The following PDE3A variants were observed in gnomAD, a reference collection of about 807,000 sequenced individuals.
PDE3A encodes the protein cGMP-inhibited 3',5'-cyclic phosphodiesterase 3A.
In PDE3A, 43 loss-of-function variants were observed where a neutral mutation model predicts 98.3. The ratio of observed to expected loss-of-function variants is 0.44; its 90% CI spans 0.34 to 0.56. PDE3A has a LOEUF of 0.56. Ranked by LOEUF, PDE3A falls within the 20% of genes least tolerant of loss-of-function variation. PDE3A has a pLI of 0.01. For synonymous variants in PDE3A, 663 were observed against 567.9 expected, an observed-to-expected ratio of 1.17 and a Z score of -2.38; for missense variants, 1,427 against 1,440.7, an observed-to-expected ratio of 0.99 and a Z score of 0.15.
intron 15 of PDE3A, among the ~76,000 whole-genome samples, chr12:20,675,875 G>T (rs1945624327): frequency 6.6e-6 from 1 of 152,024 alleles, no homozygotes; most frequent in South Asian, 2.1e-4. Flanking sequence ...CTGTATCTGT[G>T]TACAGGTGAG....
intron 2 of PDE3A, among the ~76,000 whole-genome samples, chr12:20,561,740 A>C (rs972990439): frequency 6.6e-6 from 1 of 152,162 alleles, no homozygotes; most frequent in Non-Finnish European, 1.5e-5. Context: ...GTATTTCAAA[A>C]TTGTATCATA....
At chr12:20,643,634 T>A (rs1592141148) in intron 10 of PDE3A, among the ~76,000 whole-genome samples, 1 of 146,350 alleles carries the variant, frequency 6.8e-6, no homozygotes, top group East Asian at 2.0e-4. Context: ...ATTTTTTTTT[T>A]ATTTAGTACT....
chr12:20,588,028 T>C (rs1042487378), intron 2 of PDE3A, among the ~76,000 whole-genome samples: 4 of 152,214 alleles, frequency 2.6e-5, no homozygotes, highest in African/African-American at 9.7e-5. Context: ...AAATCTTTTT[T>C]AAAGGCTACT....
At position 20,659,992 on chromosome 12, in the gene PDE3A, T is replaced by C. The variant is rs1471955825; in HGVS notation, c.3184+5787T>C. On this transcript the variant is annotated intron_variant, in intron 15 of 15. Transcript: ENST00000359062. ...CATATACCAGGTGATATGGTTTGGCTGTGTTCCCACCCAACCCTCATCTTG... is the reference window on the plus strand; with the variant it reads ...CATATACCAGGTGATATGGTTTGGCCGTGTTCCCACCCAACCCTCATCTTG... Among the ~76,000 whole-genome samples the C allele has an allele frequency of 2.0e-5, 3 of 152,186 alleles. No homozygotes were observed. In the East Asian group the frequency reaches 5.8e-4, roughly 29 times the overall value.
intron 1 of PDE3A, among the ~76,000 whole-genome samples, chr12:20,506,083 G>A (rs1422999513): frequency 7.1e-6 from 1 of 141,036 alleles, no homozygotes; most frequent in African/African-American, 2.7e-5. Flanking sequence ...AAGGAGCTAT[G>A]GGAACTCTAA....
At chr12:20,489,902 G>A (rs1208794092) in intron 1 of PDE3A, among the ~76,000 whole-genome samples, 1 of 152,126 alleles carries the variant, frequency 6.6e-6, no homozygotes, top group Non-Finnish European at 1.5e-5. Context: ...CGTCATAGAG[G>A]CAGAAGGATT....
At chr12:20,445,424 A>G (rs1173462467) in intron 1 of PDE3A, among the ~76,000 whole-genome samples, 6 of 152,134 alleles carry the variant, frequency 3.9e-5, no homozygotes, top group Admixed American at 3.9e-4. Context: ...GCTTTTCCAA[A>G]TACTTTCTTA....
chr12:20,559,666 A>C (rs1415587330), intron 2 of PDE3A, among the ~76,000 whole-genome samples: 1 of 145,594 alleles, frequency 6.9e-6, no homozygotes, highest in East Asian at 2.0e-4. Context: ...ACGAGACCCC[A>C]TATCAAAAAA....
chr12:20,568,753 G>C (rs1462125461), intron 2 of PDE3A, among the ~76,000 whole-genome samples: 1 of 151,842 alleles, frequency 6.6e-6, no homozygotes, highest in East Asian at 1.9e-4. Flanking sequence ...TTTTCATAAT[G>C]TATACATTAT....
In PDE3A at chr12:20,630,105, A is replaced by C; in HGVS notation, c.1738A>C (p.Thr580Pro). 6.2e-7 allele frequency: 1 copy of C among 1,611,274 alleles called. No individual in the cohort carries two copies. Among genetic ancestry groups the C allele is most frequent in the Non-Finnish European group, 8.5e-7 (1 of 1,177,722 alleles). The change falls in exon 6 of 16, where the codon ACT becomes CCT. Residue 580 changes from threonine (T) to proline (P), a missense_variant. This residue lies in a region of PDE3A where 1,012 missense variants were observed against 886.5 expected (regional missense o/e 1.14). Coordinates refer to ENST00000359062, the MANE Select transcript of PDE3A (RefSeq NM_000921.5). ...CCCAGACCTATCCCCTCAAATCCTGACTCCACCTGTTATATGTAGCAGGTA... is the reference window on the plus strand; with the variant it reads ...CCCAGACCTATCCCCTCAAATCCTGCCTCCACCTGTTATATGTAGCAGGTA... ...SAPDLSPQILTPPVICSSCGR... is the reference protein window; with the variant it reads ...SAPDLSPQILPPPVICSSCGR...
chr12:20,586,726 C>T (rs1943205611), intron 2 of PDE3A, among the ~76,000 whole-genome samples: 2 of 152,000 alleles, frequency 1.3e-5, no homozygotes, highest in South Asian at 4.2e-4. Context: ...AGTGAAAAAG[C>T]AAAACTTAGG....
At chr12:20,398,100 T>G (rs1426820761) in intron 1 of PDE3A, among the ~76,000 whole-genome samples, 1 of 150,052 alleles carries the variant, frequency 6.7e-6, no homozygotes, top group Non-Finnish European at 1.5e-5. Flanking sequence ...CAGTCTAACG[T>G]TTTCTGGCTG....
intron 5 of PDE3A, among the ~76,000 whole-genome samples, chr12:20,623,837 A>AAAG (rs543433657): frequency 6.6e-6 from 1 of 151,494 alleles, no homozygotes; most frequent in African/African-American, 2.4e-5. Context: ...TGTATTCTAG[A>AAAG]AAGAAGAAGA....
At chr12:20,386,965 G>C (rs1210707983) in intron 1 of PDE3A, among the ~76,000 whole-genome samples, 1 of 131,584 alleles carries the variant, frequency 7.6e-6, no homozygotes, top group African/African-American at 2.5e-5. Context: ...TATAAGAAAG[G>C]GGTCCAGTTT....
chr12:20,577,316 G>T (rs1306440798), intron 2 of PDE3A, among the ~76,000 whole-genome samples: 1 of 152,132 alleles, frequency 6.6e-6, no homozygotes, highest in East Asian at 1.9e-4. Context: ...TGATGAAATG[G>T]TGGGTTAGGT....
intron 1 of PDE3A, among the ~76,000 whole-genome samples, chr12:20,541,018 A>G (rs1359382124): frequency 6.6e-6 from 1 of 151,106 alleles, no homozygotes; most frequent in East Asian, 1.9e-4. Flanking sequence ...TCAAAAAACC[A>G]AGTATCCTAT....
At chr12:20,663,592 T>C (rs1321451983) in intron 15 of PDE3A, among the ~76,000 whole-genome samples, 1 of 152,200 alleles carries the variant, frequency 6.6e-6, no homozygotes, top group Non-Finnish European at 1.5e-5. Context: ...AACTGCCCTT[T>C]TGAATTTTAG....
intron 2 of PDE3A, among the ~76,000 whole-genome samples, chr12:20,574,521 G>A (rs991354307): frequency 1.3e-5 from 2 of 152,000 alleles, no homozygotes; most frequent in African/African-American, 4.8e-5. Context: ...CAATACGTTG[G>A]AAGACATTAA....
At chr12:20,580,239 G>A (rs1456895558) in intron 2 of PDE3A, among the ~76,000 whole-genome samples, 1 of 152,078 alleles carries the variant, frequency 6.6e-6, no homozygotes, top group African/African-American at 2.4e-5. Flanking sequence ...ATTGTGAGGA[G>A]GGAAGAAAGA....
Sources: gnomAD v4.1 joint callset for allele counts (sites outside exome capture counted in the v4.1 genomes callset) on GRCh38, gnomAD v4.1.1 for gene constraint, gnomAD v4.1.1 regional missense constraint, MANE v1.5 for transcripts, NCBI Gene and HGNC (gene_info 2026-07-23, HGNC 2026-07-21) for gene names.